Variants in PCDHGA11 observed in about 807,000 individuals in gnomAD.
PCDHGA11 encodes the protein protocadherin gamma subfamily A, 11, also known as protocadherin gamma-A11.
A neutral mutation model predicts 60.4 loss-of-function variants in PCDHGA11; 39 were observed. The ratio of observed to expected loss-of-function variants is 0.65; its 90% confidence interval spans 0.50 to 0.84. The LOEUF is 0.84. Ranked by LOEUF, PCDHGA11 falls within the 40% of genes least tolerant of loss-of-function variation. PCDHGA11 has a pLI of 0.00. For missense variants in PCDHGA11, 1,165 were observed against 1,197.7 expected (o/e 0.97, Z 0.40); for synonymous variants, 533 against 510.3 (o/e 1.04, Z -0.60).
At chr5:141,506,898 T>C (rs2099857040) in intron 3 of PCDHGA11, among the ~76,000 whole-genome samples, 1 of 152,260 alleles carries the variant, frequency 6.6e-6, no homozygotes, top group East Asian at 1.9e-4. Context: ...AGAAGCACTG[T>C]CATCACACCT....
At chr5:141,451,151 A>AT (rs1324071351) in intron 1 of PCDHGA11, among the ~76,000 whole-genome samples, 2 of 152,190 alleles carry the variant, frequency 1.3e-5, no homozygotes, top group Admixed American at 6.5e-5. Context: ...TAGACTAGAC[A>AT]TTTTTTTGGT....
intron 1 of PCDHGA11, among the ~76,000 whole-genome samples, chr5:141,464,301 T>A (rs1237581605): frequency 6.6e-6 from 1 of 150,782 alleles, no homozygotes; most frequent in Non-Finnish European, 1.5e-5. Flanking sequence ...CTCCATTGTA[T>A]GTGCACATAT....
At position 141,432,203 on chromosome 5, in the gene PCDHGA11, G is replaced by A. The variant is rs1282888078; in HGVS notation, c.2433+8543G>A. The A allele has an allele frequency of 3.1e-6, 5 of 1,614,062 alleles. No homozygotes were observed. The highest frequency in any genetic ancestry group is 1.3e-5 in the African/African-American group (1 of 74,920). ...TGTGACCGCCCACGACCCCGACTGT[G>A]AAGAGAACGCCCAGATCACTTATTC... On this transcript the variant is annotated intron_variant, in intron 1 of 3. Transcript: ENST00000398587. The surrounding 1 kb of genome is among the most constrained non-coding windows in gnomAD (Gnocchi z 6.0).
rs549051669 is a variant in PCDHGA11, at chr5:141,450,866, C to A, written c.2433+27206C>A. 4.7e-5 allele frequency among the ~76,000 whole-genome samples: 7 copies of A among 149,836 alleles called. No homozygotes were observed. In the East Asian group the frequency reaches 1.4e-3, roughly 29 times the overall value. On this transcript the variant is annotated intron_variant, in intron 1 of 3. Transcript: ENST00000398587. ...TTGAGATGGGGTCTTGCTCTGTCAC[C>A]CAGGCTGGTGTGCAGTGGTGCGATA...
chr5:141,506,253 G>A (rs1332023284), intron 3 of PCDHGA11, among the ~76,000 whole-genome samples: 2 of 151,862 alleles, frequency 1.3e-5, no homozygotes, highest in Non-Finnish European at 2.9e-5. Flanking sequence ...GTTCGAAACC[G>A]GCCTGGCCAA....
chr5:141,438,615 TATATATATATATATATATATAC>T (rs1275224820), intron 1 of PCDHGA11, among the ~76,000 whole-genome samples: 95 of 35,914 alleles, frequency 2.6e-3, no homozygotes, highest in East Asian at 8.4e-3. Flanking sequence ...TATATATATA[TATATATATATATATATATATAC>T]ACACACACAC....
At chr5:141,474,964 CATT>C (rs1489874965) in intron 1 of PCDHGA11, among the ~76,000 whole-genome samples, 1 of 152,216 alleles carries the variant, frequency 6.6e-6, no homozygotes, top group Non-Finnish European at 1.5e-5. Context: ...CTATCCTAAT[CATT>C]ATAATTTTGT....
At chr5:141,457,573 C>T (rs934685938) in intron 1 of PCDHGA11, among the ~76,000 whole-genome samples, 3 of 152,206 alleles carry the variant, frequency 2.0e-5, no homozygotes, top group Non-Finnish European at 4.4e-5. Flanking sequence ...CAAAATTTTT[C>T]TCTCCAGTCC....
intron 1 of PCDHGA11, among the ~76,000 whole-genome samples, chr5:141,433,747 G>A (rs566709728): frequency 1.3e-5 from 2 of 150,990 alleles, no homozygotes; most frequent in East Asian, 4.0e-4. Context: ...TGAGTCAGGA[G>A]AATTGCTTTA....
chr5:141,448,945 A>G (rs1288079348), intron 1 of PCDHGA11, among the ~76,000 whole-genome samples: 1 of 151,716 alleles, frequency 6.6e-6, no homozygotes, highest in Non-Finnish European at 1.5e-5. Context: ...ACTGCAACTC[A>G]AAAAAACAAA....
Position 141,491,205 on chromosome 5 carries a change from A to G in PCDHGA11, c.2434-3602A>G, listed in dbSNP as rs2233609. 2,395 of 1,613,578 alleles carry G rather than the reference A, an allele frequency of 1.5e-3. 36 individuals are homozygous for G. The African/African-American group carries it at 0.028, about 19-fold the overall frequency. On this transcript the variant is annotated intron_variant, in intron 1 of 3. Coordinates refer to ENST00000398587, the MANE Select transcript of PCDHGA11 (RefSeq NM_018914.3). This position sits in a 1 kb window ranked among gnomAD's most constrained non-coding sequence, Gnocchi z 6.9. The stretch of plus-strand genomic sequence containing the variant: ...TGGTGAGGGACAATGGTGACCCTTC[A>G]CTCTCCTCCACAGCCACAGTGCTGC...
At position 141,438,623 on chromosome 5, in the gene PCDHGA11, TATATATATATATAC is replaced by T. The variant is rs537048311; in HGVS notation, c.2433+14965_2433+14978del. Among the ~76,000 whole-genome samples the T allele has an allele frequency of 0.015, 646 of 42,812 alleles. 25 individuals are homozygous for T. In the East Asian group the frequency reaches 0.19, roughly 12 times the overall value. The allele number at this position is 42,812 out of a possible 152,430, so 28.1% of individuals were successfully genotyped here. A position where few individuals can be genotyped will look rare whatever the true frequency, so the allele number is the denominator to read the frequency against. On this transcript the variant is annotated intron_variant, in intron 1 of 3. Transcript: ENST00000398587. ...ATATATATATATATATATATATATA[TATATATATATATAC>T]ACACACACACACACATATATGTATA...
Position 141,485,411 on chromosome 5 carries a change from G to C in PCDHGA11, c.2434-9396G>C, listed in dbSNP as rs1412397411. On this transcript the variant is annotated intron_variant, in intron 1 of 3. Coordinates refer to ENST00000398587, the MANE Select transcript of PCDHGA11 (RefSeq NM_018914.3). This position sits in a 1 kb window ranked among gnomAD's most constrained non-coding sequence, Gnocchi z 5.7. The stretch of plus-strand genomic sequence containing the variant: ...CCAAAGACACTTCCGTGTGGATTTG[G>C]ACAGCGGAGCCCTGCTCATCAAGAA... The C allele has an allele frequency of 2.5e-6, 4 of 1,614,054 alleles. No homozygotes were observed. Among genetic ancestry groups the C allele is most frequent in the Non-Finnish European group, 3.4e-6 (4 of 1,180,044 alleles).
At chr5:141,501,036 T>C (rs893597004) in intron 2 of PCDHGA11, among the ~76,000 whole-genome samples, 4 of 151,702 alleles carry the variant, frequency 2.6e-5, no homozygotes, top group Non-Finnish European at 4.4e-5. Flanking sequence ...GCCCAGCTAA[T>C]TTTTGTATTT....
At chr5:141,428,455 T>C (rs898393760) in intron 1 of PCDHGA11, 61 of 361,572 alleles carry the variant, frequency 1.7e-4, no homozygotes, top group African/African-American at 1.2e-3. Context: ...TTTTCCCAAC[T>C]ACAATGAGGG....
chr5:141,446,917 C>G (rs979679080), intron 1 of PCDHGA11, among the ~76,000 whole-genome samples: 1 of 152,108 alleles, frequency 6.6e-6, no homozygotes, highest in South Asian at 2.1e-4. Flanking sequence ...TTTTATTTAT[C>G]TTCCTGATCT....
chr5:141,491,612 G>C lies in PCDHGA11; in HGVS notation c.2434-3195G>C, dbSNP rs759955730. 1 of 1,613,906 alleles carries C rather than the reference G, an allele frequency of 6.2e-7. No individual in the cohort carries two copies. Among genetic ancestry groups the C allele is most frequent in the South Asian group, 1.1e-5 (1 of 91,080 alleles). ...GACGGCAGTGACTTCACTTTTCTAA[G>C]ACCCCTCAGCGTTCAGCAGCCCACA... On this transcript the variant is annotated intron_variant, in intron 1 of 3. Transcript: ENST00000398587. The surrounding 1 kb of genome is among the most constrained non-coding windows in gnomAD (Gnocchi z 6.9).
chr5:141,489,794 T>TA lies in PCDHGA11; in HGVS notation c.2434-5009dup. The TA allele has an allele frequency of 1.2e-6, 2 of 1,614,120 alleles. No homozygotes were observed. The highest frequency in any genetic ancestry group is 2.2e-5 in the South Asian group (2 of 91,076). The stretch of plus-strand genomic sequence containing the variant: ...CACTTCTCTCTGAATGTGAAGACCC[T>TA]AAAAGATGGGAAGCCATTCCCAGAG... On this transcript the variant is annotated intron_variant, in intron 1 of 3. Transcript: ENST00000398587. This position sits in a 1 kb window ranked among gnomAD's most constrained non-coding sequence, Gnocchi z 4.5.
intron 1 of PCDHGA11, among the ~76,000 whole-genome samples, chr5:141,438,621 TATATATATATATATAC>T (rs1472935962): frequency 0.016 from 652 of 41,356 alleles, 15 homozygotes; most frequent in East Asian, 0.15. Flanking sequence ...TATATATATA[TATATATATATATATAC>T]ACACACACAC....
Sources: gnomAD v4.1 joint callset for allele counts (sites outside exome capture counted in the v4.1 genomes callset) on GRCh38, gnomAD v4.1.1 for gene constraint, Gnocchi (gnomAD v3.1) non-coding constraint, MANE v1.5 for transcripts, NCBI Gene and HGNC (gene_info 2026-07-23, HGNC 2026-07-21) for gene names.